POC1A: variants seen among roughly 807,000 people sequenced by gnomAD.
POC1A encodes the protein POC1 centriolar protein homolog A.
Under a neutral mutation model 47.8 loss-of-function variants are expected in POC1A, and 34 were observed. That is an observed-to-expected ratio of 0.71 (90% CI 0.54 to 0.95). The LOEUF is 0.95. Ranked by LOEUF, POC1A falls within the 40% of genes least tolerant of loss-of-function variation. The pLI is 0.00. For missense variants in POC1A, 466 were observed against 528.3 expected (o/e 0.88, Z 1.16); for synonymous variants, 177 against 207.6 (o/e 0.85, Z 1.27).
chr3:52,093,350 A>G (rs1702705781), intron 10 of POC1A, among the ~76,000 whole-genome samples: 1 of 152,050 alleles, frequency 6.6e-6, no homozygotes, highest in South Asian at 2.1e-4. Flanking sequence ...GGAACCTGCC[A>G]CCTCTGCTCT....
In POC1A at chr3:52,090,837, G is replaced by A. The variant is rs1249725789; in HGVS notation, c.1125+5732C>T. Among the ~76,000 whole-genome samples the A allele has an allele frequency of 6.6e-6, 1 of 152,062 alleles. No homozygotes were observed. Among genetic ancestry groups the A allele is most frequent in the African/African-American group, 2.4e-5 (1 of 41,400 alleles). ...GTCCGGCCTAGAGTCCTCCAGGGGT[G>A]CTCAGAATGGAGGAGCCTGGCCTGG... On this transcript the variant is annotated intron_variant, in intron 10 of 10. Transcript: ENST00000296484. The surrounding 1 kb of genome is among the most constrained non-coding windows in gnomAD (Gnocchi z 4.2).
Position 52,145,914 on chromosome 3 carries a change from G to C in POC1A, c.611C>G (p.Ala204Gly), listed in dbSNP as rs772163458. ...CTTCACTGTGTTGTCCATGCCGGCAGCGGCAATGCACGTCCCACTGGGGTG... is the reference window on the plus strand; with the variant it reads ...CTTCACTGTGTTGTCCATGCCGGCACCGGCAATGCACGTCCCACTGGGGTG... ...DFHPSGTCIA[A>G]AGMDNTVKVW... The change falls in exon 6 of 11, where the codon GCT becomes GGT. Residue 204 changes from alanine to glycine, a missense_variant. Coordinates refer to ENST00000296484, the MANE Select transcript of POC1A (RefSeq NM_015426.5). 15 of 1,613,894 alleles carry C rather than the reference G, an allele frequency of 9.3e-6. No individual in the cohort carries two copies. The highest frequency in any genetic ancestry group is 1.3e-5 in the Non-Finnish European group (15 of 1,179,968).
chr3:52,080,776 A>T (rs565535826), intron 10 of POC1A, among the ~76,000 whole-genome samples: 27 of 152,322 alleles, frequency 1.8e-4, no homozygotes, highest in African/African-American at 6.0e-4. Context: ...ATGCTGTGGA[A>T]CTCGCCTGGG....
At chr3:52,089,982 G>T (rs530414044) in intron 10 of POC1A, among the ~76,000 whole-genome samples, 62 of 151,596 alleles carry the variant, frequency 4.1e-4, no homozygotes, top group Middle Eastern at 6.8e-3. Context: ...TGGGGGAGCA[G>T]GTTTAAGGTA....
intron 10 of POC1A, among the ~76,000 whole-genome samples, chr3:52,086,666 A>T (rs922967224): frequency 1.3e-5 from 2 of 152,220 alleles, no homozygotes; most frequent in African/African-American, 4.8e-5. Context: ...CCCTCTGCAG[A>T]CAGGGCCTGC....
rs72955236 is a variant in POC1A, at chr3:52,083,905, T to C, written c.1126-7920A>G. Among the ~76,000 whole-genome samples, 714 of 152,352 alleles carry C rather than the reference T, an allele frequency of 4.7e-3. 7 individuals carry two copies. Among genetic ancestry groups the C allele is most frequent in the African/African-American group, 0.016 (676 of 41,574 alleles). On this transcript the variant is annotated intron_variant, in intron 10 of 10. Coordinates refer to ENST00000296484, the MANE Select transcript of POC1A (RefSeq NM_015426.5). ...GGTGCAAAGGCCCTGAAGCACACTC[T>C]TGGAACTGTCAGGAGGCCAGGGTGC...
chr3:52,095,694 G>C (rs1458252794), intron 10 of POC1A, among the ~76,000 whole-genome samples: 1 of 152,008 alleles, frequency 6.6e-6, no homozygotes, highest in African/African-American at 2.4e-5. Context: ...ATCCTGCCTT[G>C]CCCCCCACCC....
At chr3:52,106,376 G>A (rs1703185714) in intron 9 of POC1A, among the ~76,000 whole-genome samples, 1 of 151,642 alleles carries the variant, frequency 6.6e-6, no homozygotes, top group African/African-American at 2.4e-5. Flanking sequence ...CTTGTGAAGG[G>A]GCCAGGTGTG....
chr3:52,112,842 C>T (rs568374734), intron 9 of POC1A, among the ~76,000 whole-genome samples: 1 of 152,260 alleles, frequency 6.6e-6, no homozygotes, highest in Non-Finnish European at 1.5e-5. Flanking sequence ...ATTCCCCTGC[C>T]CAGGATGCCA....
intron 4 of POC1A, 86 bp from the exon 5 acceptor site, chr3:52,147,181 A>ATCT: frequency 9.4e-7 from 1 of 1,062,086 alleles, no homozygotes; most frequent in Non-Finnish European, 1.4e-6. Flanking sequence ...CTCTTCCCCG[A>ATCT]GTGCCTACTA....
intron 6 of POC1A, among the ~76,000 whole-genome samples, chr3:52,142,261 C>G (rs1024972773): frequency 6.6e-6 from 1 of 152,228 alleles, no homozygotes; most frequent in East Asian, 1.9e-4. Flanking sequence ...GATGCCTGAA[C>G]AGTCTTAACG....
At chr3:52,099,845 C>T (rs1024008073) in intron 9 of POC1A, among the ~76,000 whole-genome samples, 19 of 152,082 alleles carry the variant, frequency 1.2e-4, no homozygotes, top group African/African-American at 4.3e-4. Flanking sequence ...AGCAAGACTC[C>T]GTCTCAAAAG....
At chr3:52,085,728 C>T (rs1275129058) in intron 10 of POC1A, among the ~76,000 whole-genome samples, 2 of 152,232 alleles carry the variant, frequency 1.3e-5, no homozygotes, top group Non-Finnish European at 2.9e-5. Flanking sequence ...GAAACTTGAC[C>T]ACTAACTCGC....
At chr3:52,097,761 G>A (rs558115329) in intron 9 of POC1A, among the ~76,000 whole-genome samples, 1 of 152,394 alleles carries the variant, frequency 6.6e-6, no homozygotes, top group South Asian at 2.1e-4. Context: ...ACATGAGCCA[G>A]AGGGATGTTC....
At chr3:52,080,415 T>A (rs1242979571) in intron 10 of POC1A, among the ~76,000 whole-genome samples, 1 of 152,192 alleles carries the variant, frequency 6.6e-6, no homozygotes, top group Non-Finnish European at 1.5e-5. Flanking sequence ...TGGTTTAGGC[T>A]GCCTGGCCTA....
At chr3:52,124,067 T>C (rs538034561) in intron 8 of POC1A, among the ~76,000 whole-genome samples, 1 of 152,208 alleles carries the variant, frequency 6.6e-6, no homozygotes, top group East Asian at 1.9e-4. Flanking sequence ...TCAACCAAAA[T>C]TGGTAGATTT....
intron 10 of POC1A, among the ~76,000 whole-genome samples, chr3:52,085,161 C>T (rs1702417199): frequency 2.0e-5 from 3 of 152,152 alleles, no homozygotes; most frequent in African/African-American, 7.2e-5. Flanking sequence ...AGTCGGCGTA[C>T]CATTGGCAGG....
intron 9 of POC1A, among the ~76,000 whole-genome samples, chr3:52,112,073 C>A (rs1201207707): frequency 2.0e-5 from 3 of 152,186 alleles, no homozygotes; most frequent in Non-Finnish European, 4.4e-5. Context: ...AAACCACACG[C>A]CTGCCTGTCT....
intron 1 of POC1A, 78 bp from the exon 2 acceptor site, chr3:52,151,178 C>A: frequency 1.9e-6 from 3 of 1,596,170 alleles, no homozygotes; most frequent in South Asian, 1.1e-5. Context: ...CTTCCTACAA[C>A]AGCCGGGGGA....
Sources: allele counts gnomAD v4.1 joint callset (sites outside exome capture counted in the v4.1 genomes callset), GRCh38; gene constraint gnomAD v4.1.1; non-coding constraint Gnocchi (gnomAD v3.1); transcripts MANE v1.5; gene names NCBI Gene and HGNC (gene_info 2026-07-23, HGNC 2026-07-21).